TOB2: variants seen among roughly 807,000 people sequenced by gnomAD.
TOB2 encodes transducer of ERBB2, 2, also known as protein Tob2.
TOB2 carries 3 observed loss-of-function variants against 17.3 expected under a neutral mutation model. The observed-to-expected ratio is 0.17, with a 90% CI of 0.08 to 0.45. The LOEUF (loss-of-function observed/expected upper bound fraction) is 0.45. Ranked by LOEUF, TOB2 falls within the 20% of genes least tolerant of loss-of-function variation. The pLI, the probability that TOB2 is intolerant of heterozygous loss-of-function variation, is 0.99. For missense variants in TOB2, 407 were observed against 445.7 expected (o/e 0.91, Z 0.78); for synonymous variants, 163 against 185.6 (o/e 0.88, Z 0.99).
At position 41,436,728 on chromosome 22, in the gene TOB2, A is replaced by C. The variant is rs1327404732; in HGVS notation, c.618T>G (p.Ser206Arg). Residue 206 changes from serine to arginine, a missense_variant, in exon 2 of 2, where the codon AGT (serine) becomes AGG (arginine). Transcript: ENST00000327492. This position sits in a 1 kb window ranked among gnomAD's most constrained non-coding sequence, Gnocchi z 4.8. ...GAASGGGVAS[S>R]GAGGQQPPQQ... ...GTGGTGGCTGCTGGCCACCCGCCCC[A>C]CTGCTGGCTACACCCCCACCACTTG... 1.2e-6 allele frequency: 2 copies of C among 1,613,054 alleles called. No individual in the cohort carries two copies. The highest frequency in any genetic ancestry group is 1.3e-5 in the African/African-American group (1 of 74,912).
chr22:41,436,260 TTC>T lies in TOB2; in HGVS notation c.*49_*50del, dbSNP rs747060261. 7 of 1,492,226 alleles carry T rather than the reference TTC, an allele frequency of 4.7e-6. No homozygotes were observed. The Admixed American group carries it at 6.9e-5, about 15-fold the overall frequency. 92.4% of individuals were successfully genotyped at this position (1,492,226 alleles called of 1,614,324 possible). ...TTTCCTCTTTTTTTTGGCCTTTCCT[TTC>T]TCTTTTCTGTGGTCTTGGGTGCTCC... On this transcript the variant is annotated 3_prime_UTR_variant, in exon 2 of 2. Coordinates refer to ENST00000327492, the MANE Select transcript of TOB2 (RefSeq NM_016272.4). This position sits in a 1 kb window ranked among gnomAD's most constrained non-coding sequence, Gnocchi z 4.8.
intron 1 of TOB2, among the ~76,000 whole-genome samples, chr22:41,443,343 C>CA (rs1360463230): frequency 6.6e-6 from 1 of 152,140 alleles, no homozygotes; most frequent in Non-Finnish European, 1.5e-5. Context: ...CCCCTCGAGA[C>CA]AGTCTTGCTC....
Position 41,435,144 on chromosome 22 carries a change from T to C in TOB2, c.*1167A>G, listed in dbSNP as rs2037531487. 1 of 152,494 alleles carries C rather than the reference T, an allele frequency of 6.6e-6. No individual in the cohort carries two copies. The highest frequency in any genetic ancestry group is 2.4e-5 in the African/African-American group (1 of 41,462). The allele number at this position is 152,494 out of a possible 1,614,324, so 9.4% of individuals were successfully genotyped here. A position where few individuals can be genotyped will look rare whatever the true frequency, so the allele number is the denominator to read the frequency against. ...GGCTAAGGCCAAACAACAGGAGGGT[T>C]GAAGTCCAGGGACTTCTCATAGGCA... On this transcript the variant is annotated 3_prime_UTR_variant, in exon 2 of 2. Coordinates refer to ENST00000327492, the MANE Select transcript of TOB2 (RefSeq NM_016272.4).
chr22:41,435,992 T>A lies in TOB2; in HGVS notation c.*319A>T, dbSNP rs2037541201. 4.7e-6 allele frequency: 1 copy of A among 214,354 alleles called. No homozygotes were observed. The highest frequency in any genetic ancestry group is 9.3e-6 in the Non-Finnish European group (1 of 107,166). 13.3% of individuals were successfully genotyped at this position (214,354 alleles called of 1,614,324 possible). A position where few individuals can be genotyped will look rare whatever the true frequency, so the allele number is the denominator to read the frequency against. The stretch of plus-strand genomic sequence containing the variant: ...GAGCAGCAGTTCACATCTGGACCAT[T>A]CTTAGCACAGGAAGCCACTCATTAA... On this transcript the variant is annotated 3_prime_UTR_variant, in exon 2 of 2. Transcript: ENST00000327492.
Position 41,433,628 on chromosome 22 carries a change from CACA to C in TOB2, c.*2680_*2682del, listed in dbSNP as rs1489311891. 1 of 251,142 alleles carries C rather than the reference CACA, an allele frequency of 4.0e-6. No homozygotes were observed. Among genetic ancestry groups the C allele is most frequent in the African/African-American group, 2.2e-5 (1 of 44,742 alleles). 15.6% of individuals were successfully genotyped at this position (251,142 alleles called of 1,614,324 possible). A position where few individuals can be genotyped will look rare whatever the true frequency, so the allele number is the denominator to read the frequency against. On this transcript the variant is annotated 3_prime_UTR_variant, in exon 2 of 2. Coordinates refer to ENST00000327492, the MANE Select transcript of TOB2 (RefSeq NM_016272.4). The stretch of plus-strand genomic sequence containing the variant: ...ACCAATGTCCCATTCCAAAATATTG[CACA>C]ACATTCTGAATACAAAACCCTTGAT...
Position 41,436,341 on chromosome 22 carries a change from C to A in TOB2, c.1005G>T (p.Gln335His). The change falls in exon 2 of 2, where the codon CAG (glutamine) becomes CAT (histidine). Residue 335 changes from glutamine to histidine, a missense_variant. Transcript: ENST00000327492. The surrounding 1 kb of genome is among the most constrained non-coding windows in gnomAD (Gnocchi z 4.8). Reference sequence around the variant, plus strand: ...TGGCCAGCACCACGGGCTGGAACTGCTGGCTGGGATACTGCATGGTGTTCA... The same window carrying A: ...TGGCCAGCACCACGGGCTGGAACTGATGGCTGGGATACTGCATGGTGTTCA... The part of the protein sequence containing the change: ...YNLNTMQYPS[Q>H]QFQPVVLAN The A allele has an allele frequency of 6.3e-7, 1 of 1,594,416 alleles. No homozygotes were observed. Among genetic ancestry groups the A allele is most frequent in the Non-Finnish European group, 8.6e-7 (1 of 1,169,060 alleles).
intron 1 of TOB2, among the ~76,000 whole-genome samples, chr22:41,444,664 G>GC (rs1360396334): frequency 3.9e-5 from 6 of 152,272 alleles, no homozygotes; most frequent in Admixed American, 6.5e-5. Context: ...GCGGGTCGGC[G>GC]CCCCCCTCCC....
At chr22:41,444,674 C>T (rs1601854189) in intron 1 of TOB2, among the ~76,000 whole-genome samples, 1 of 152,238 alleles carries the variant, frequency 6.6e-6, no homozygotes, top group African/African-American at 2.4e-5. Context: ...GCCCCCCTCC[C>T]ATCGCCTAAT....
intron 1 of TOB2, among the ~76,000 whole-genome samples, chr22:41,438,088 TGAA>T (rs1335988423): frequency 5.3e-5 from 8 of 151,602 alleles, no homozygotes; most frequent in African/African-American, 9.7e-5. Context: ...CTAAATCAGG[TGAA>T]GAAGAAGTCT....
rs746600171 is a variant in TOB2, at chr22:41,436,569, C to T, written c.777G>A (p.Glu259=). ...GTGAGCCACCACCGTTGTACACGAACTCCTTGGCATTGGGTGAGAGCTGGG... is the reference window on the plus strand; with the variant it reads ...GTGAGCCACCACCGTTGTACACGAATTCCTTGGCATTGGGTGAGAGCTGGG... ...PQSQLSPNAK[E]FVYNGGGSPS... is the part of the protein sequence containing the mutation. The change falls in exon 2 of 2, where the codon GAG becomes GAA. Residue 259 remains glutamate, a synonymous_variant. Transcript: ENST00000327492. The surrounding 1 kb of genome is among the most constrained non-coding windows in gnomAD (Gnocchi z 4.8). 1.2e-6 allele frequency: 2 copies of T among 1,610,208 alleles called. No individual in the cohort carries two copies. Among genetic ancestry groups the T allele is most frequent in the African/African-American group, 1.3e-5 (1 of 74,894 alleles).
chr22:41,442,439 T>C (rs1161042183), intron 1 of TOB2, among the ~76,000 whole-genome samples: 1 of 152,146 alleles, frequency 6.6e-6, no homozygotes, highest in Non-Finnish European at 1.5e-5. Flanking sequence ...CAAAATACAA[T>C]AGAACCACTG....
In TOB2 at chr22:41,434,002, G is replaced by A. The variant is rs915244425; in HGVS notation, c.*2309C>T. The A allele has an allele frequency of 8.4e-6, 2 of 238,738 alleles. No homozygotes were observed. The highest frequency in any genetic ancestry group is 1.7e-5 in the Non-Finnish European group (2 of 117,034). The allele number at this position is 238,738 out of a possible 1,614,324, so 14.8% of individuals were successfully genotyped here. A position where few individuals can be genotyped will look rare whatever the true frequency, so the allele number is the denominator to read the frequency against. Reference sequence around the variant, plus strand: ...AAAAGAAAAAAATTATGTTTTTTACGTTAGAAATATACATATATTATATAC... The same window carrying A: ...AAAAGAAAAAAATTATGTTTTTTACATTAGAAATATACATATATTATATAC... On this transcript the variant is annotated 3_prime_UTR_variant, in exon 2 of 2. Coordinates refer to ENST00000327492, the MANE Select transcript of TOB2 (RefSeq NM_016272.4).
chr22:41,440,156 C>T (rs527837089), intron 1 of TOB2, among the ~76,000 whole-genome samples: 6 of 150,148 alleles, frequency 4.0e-5, no homozygotes, highest in Non-Finnish European at 7.4e-5. Context: ...CTTGCTCTGT[C>T]GCCCAGGCTG....
At position 41,445,517 on chromosome 22, in the gene TOB2, G is replaced by T. The variant is rs1375403105; in HGVS notation, c.-63+862C>A. On this transcript the variant is annotated intron_variant, in intron 1 of 1. Transcript: ENST00000327492. ...AGATACGGAGTAGCACCAGAGACTG[G>T]CCTCCACCCGTCCCCAAGCTGAAGC... 3.9e-5 allele frequency among the ~76,000 whole-genome samples: 6 copies of T among 152,218 alleles called. No homozygotes were observed. In the East Asian group the frequency reaches 1.2e-3, roughly 29 times the overall value.
In TOB2 at chr22:41,436,927, A is replaced by G. The variant is rs1173560369; in HGVS notation, c.419T>C (p.Phe140Ser). 1 of 1,614,184 alleles carries G rather than the reference A, an allele frequency of 6.2e-7. No individual in the cohort carries two copies. Residue 140 changes from phenylalanine (F) to serine (S), a missense_variant, in exon 2 of 2, where the codon TTC becomes TCC. Transcript: ENST00000327492. The surrounding 1 kb of genome is among the most constrained non-coding windows in gnomAD (Gnocchi z 4.8). The stretch of plus-strand genomic sequence containing the variant: ...GCTGTCCTGGCTGCCAATGGGCACG[A>G]ACACCTGGGCGTCAGGGTTGAAGCT... ...KSSFNPDAQV[F>S]VPIGSQDSSL... is the part of the protein sequence containing the mutation.
Position 41,436,750 on chromosome 22 carries a change from C to T in TOB2, c.596G>A (p.Ser199Asn). The T allele has an allele frequency of 1.9e-6, 3 of 1,613,846 alleles. No individual in the cohort carries two copies. Among genetic ancestry groups the T allele is most frequent in the Middle Eastern group, 1.7e-4 (1 of 6,060 alleles). Residue 199 changes from serine (S) to asparagine (N), a missense_variant, in exon 2 of 2, where the codon AGT (serine) becomes AAT (asparagine). Coordinates refer to ENST00000327492, the MANE Select transcript of TOB2 (RefSeq NM_016272.4). This position sits in a 1 kb window ranked among gnomAD's most constrained non-coding sequence, Gnocchi z 4.8. ...TKMKKGGGAA[S>N]GGGVASSGAG... ...CCCACTGCTGGCTACACCCCCACCA[C>T]TTGCTGCCCCGCCCCCCTTCTTCAT...
chr22:41,437,946 C>T (rs1366094430), intron 1 of TOB2, among the ~76,000 whole-genome samples: 3 of 47,262 alleles, frequency 6.3e-5, no homozygotes, highest in South Asian at 1.8e-3. Context: ...GAGACTCCAT[C>T]TCAAAAAAAA....
intron 1 of TOB2, among the ~76,000 whole-genome samples, chr22:41,438,830 G>A (rs554678722): frequency 6.6e-6 from 1 of 151,854 alleles, no homozygotes; most frequent in African/African-American, 2.4e-5. Context: ...GATGAGGGTG[G>A]CAGAGGAAAG....
intron 1 of TOB2, among the ~76,000 whole-genome samples, chr22:41,441,541 G>A (rs1324242243): frequency 1.8e-4 from 27 of 152,080 alleles, no homozygotes; most frequent in Non-Finnish European, 5.9e-5. Context: ...CACTTCGGGA[G>A]GCCAAGGCAG....
Sources: gnomAD v4.1 joint callset for allele counts (sites outside exome capture counted in the v4.1 genomes callset) on GRCh38, gnomAD v4.1.1 for gene constraint, Gnocchi (gnomAD v3.1) non-coding constraint, MANE v1.5 for transcripts, NCBI Gene and HGNC (gene_info 2026-07-23, HGNC 2026-07-21) for gene names.